SYT14: variants seen among roughly 807,000 people sequenced by gnomAD.
SYT14 encodes the protein synaptotagmin-14.
SYT14 carries 32 observed loss-of-function variants against 74.2 expected under a neutral mutation model. The observed-to-expected ratio is 0.43, with a 90% CI of 0.33 to 0.58. The LOEUF (loss-of-function observed/expected upper bound fraction) is 0.58, where lower values mean the gene tolerates loss of function less well. Ranked by LOEUF, SYT14 falls within the 20% of genes least tolerant of loss-of-function variation. The pLI is 0.05. For missense variants in SYT14, 791 were observed against 981.8 expected (o/e 0.81, Z 2.60); for synonymous variants, 298 against 337.7 (o/e 0.88, Z 1.29).
intron 2 of SYT14, among the ~76,000 whole-genome samples, chr1:210,011,353 C>G (rs1026102887): frequency 7.2e-5 from 11 of 152,108 alleles, no homozygotes; most frequent in African/African-American, 1.9e-4. Context: ...TTATTAAAAT[C>G]ATTTTCTTCC....
chr1:210,115,031 A>C (rs2082331911), intron 7 of SYT14, among the ~76,000 whole-genome samples: 1 of 151,154 alleles, frequency 6.6e-6, no homozygotes, highest in Admixed American at 6.6e-5. Context: ...GGAGGGACTG[A>C]TGTGTAAAAG....
chr1:210,010,829 C>T (rs2080073684), intron 2 of SYT14, among the ~76,000 whole-genome samples: 1 of 152,180 alleles, frequency 6.6e-6, no homozygotes, highest in African/African-American at 2.4e-5. Context: ...AATCCTGATT[C>T]TTCCACTTAC....
At chr1:210,067,081 C>T (rs1165050116) in intron 5 of SYT14, among the ~76,000 whole-genome samples, 2 of 151,986 alleles carry the variant, frequency 1.3e-5, no homozygotes, top group Non-Finnish European at 2.9e-5. Context: ...CATTGAATGG[C>T]CTTGGCACCC....
At chr1:210,101,716 A>G (rs1172917822) in intron 7 of SYT14, among the ~76,000 whole-genome samples, 1 of 152,090 alleles carries the variant, frequency 6.6e-6, no homozygotes, top group Non-Finnish European at 1.5e-5. Context: ...AATTTTTCAT[A>G]AAATTTAATA....
chr1:210,047,559 G>A (rs1030937644), intron 5 of SYT14, among the ~76,000 whole-genome samples: 4 of 151,928 alleles, frequency 2.6e-5, no homozygotes, highest in East Asian at 1.9e-4. Flanking sequence ...CACCACACCC[G>A]GCTGATTTTT....
At chr1:209,942,974 G>C (rs1348670145) in intron 1 of SYT14, among the ~76,000 whole-genome samples, 1 of 152,014 alleles carries the variant, frequency 6.6e-6, no homozygotes, top group Non-Finnish European at 1.5e-5. Context: ...CTTATAGTTT[G>C]CTACATACAT....
intron 5 of SYT14, among the ~76,000 whole-genome samples, chr1:210,053,797 A>G (rs2081046206): frequency 6.6e-6 from 1 of 152,130 alleles, no homozygotes; most frequent in Admixed American, 6.5e-5. Context: ...TTTTCTATTA[A>G]TTTATGTATG....
intron 2 of SYT14, among the ~76,000 whole-genome samples, chr1:209,997,860 G>T (rs149508297): frequency 6.6e-6 from 1 of 152,170 alleles, no homozygotes; most frequent in African/African-American, 2.4e-5. Flanking sequence ...TCTGAAGTTG[G>T]ATATTTTTTC....
Position 209,953,187 on chromosome 1 carries a change from C to G in SYT14, c.-486+431C>G, listed in dbSNP as rs1003401536. On this transcript the variant is annotated intron_variant, in intron 2 of 9. Transcript: ENST00000637265. Reference sequence around the variant, plus strand: ...CAAAGACCACAACATCCTTTGACACCAACAACTGTCTATGCTTCCTTAGAA... The same window carrying G: ...CAAAGACCACAACATCCTTTGACACGAACAACTGTCTATGCTTCCTTAGAA... 7 of 1,287,676 alleles carry G rather than the reference C, an allele frequency of 5.4e-6. No individual in the cohort carries two copies. In the African/African-American group the frequency reaches 1.1e-4, roughly 20 times the overall value. 79.8% of individuals were successfully genotyped at this position (1,287,676 alleles called of 1,614,324 possible).
chr1:210,104,773 T>C (rs554324886), intron 7 of SYT14, among the ~76,000 whole-genome samples: 22 of 152,352 alleles, frequency 1.4e-4, no homozygotes, highest in Admixed American at 7.2e-4. Flanking sequence ...CACACAACCC[T>C]TCCTGTACAA....
chr1:209,951,840 G>A (rs2078917011), intron 1 of SYT14, among the ~76,000 whole-genome samples: 1 of 152,138 alleles, frequency 6.6e-6, no homozygotes, highest in African/African-American at 2.4e-5. Context: ...TAATAAAATA[G>A]TTTGATCTTA....
intron 7 of SYT14, among the ~76,000 whole-genome samples, chr1:210,155,073 G>A (rs536477641): frequency 2.2e-4 from 34 of 152,174 alleles, no homozygotes; most frequent in Non-Finnish European, 4.1e-4. Context: ...TCTGTATTTT[G>A]AGTCCATGTT....
chr1:210,106,374 A>C (rs990103189), intron 7 of SYT14, among the ~76,000 whole-genome samples: 3 of 152,170 alleles, frequency 2.0e-5, no homozygotes, highest in African/African-American at 7.2e-5. Flanking sequence ...CCCATCAGTC[A>C]GTCATTGCAT....
chr1:210,063,902 G>A (rs1017448194), intron 5 of SYT14, among the ~76,000 whole-genome samples: 27 of 151,726 alleles, frequency 1.8e-4, no homozygotes, highest in African/African-American at 6.3e-4. Flanking sequence ...ATCAACTTGA[G>A]ATATAACAGC....
intron 7 of SYT14, among the ~76,000 whole-genome samples, chr1:210,106,360 T>C (rs2082157213): frequency 6.6e-6 from 1 of 152,184 alleles, no homozygotes; most frequent in Non-Finnish European, 1.5e-5. Context: ...CAGGCCTTTA[T>C]ACTCCCATCA....
chr1:210,032,236 A>G (rs1174339210), intron 5 of SYT14, among the ~76,000 whole-genome samples: 1 of 152,142 alleles, frequency 6.6e-6, no homozygotes, highest in Non-Finnish European at 1.5e-5. Context: ...AATGGTATCA[A>G]TGCAGTTGAA....
chr1:210,085,790 A>C (rs2081716462), intron 5 of SYT14, among the ~76,000 whole-genome samples: 1 of 152,120 alleles, frequency 6.6e-6, no homozygotes, highest in Non-Finnish European at 1.5e-5. Flanking sequence ...GATTTGCTAA[A>C]ATTTTGTATA....
In SYT14 at chr1:209,938,345, G is replaced by A. The variant is rs1045196642; in HGVS notation, c.-534+68G>A. On this transcript the variant is annotated intron_variant, in intron 1 of 9. Coordinates refer to ENST00000637265, the Ensembl canonical transcript of SYT14. ...CAGCTGGCGGGGGGCTCGGAGGTGC[G>A]CCGGCAGGCCGAGGCGCTGACGGGG... 4.1e-6 allele frequency: 6 copies of A among 1,478,980 alleles called. No homozygotes were observed. The Middle Eastern group carries it at 5.5e-4, about 135-fold the overall frequency. 91.6% of individuals were successfully genotyped at this position (1,478,980 alleles called of 1,614,324 possible). A position where few individuals can be genotyped will look rare whatever the true frequency, so the allele number is the denominator to read the frequency against.
At chr1:210,056,659 CAAAAAA>C (rs1196789715) in intron 5 of SYT14, among the ~76,000 whole-genome samples, 1 of 79,394 alleles carries the variant, frequency 1.3e-5, no homozygotes, top group African/African-American at 5.3e-5. Context: ...ACTAAAAATA[CAAAAAA>C]AAAAAAAAAA....
Sources: allele counts gnomAD v4.1 joint callset (sites outside exome capture counted in the v4.1 genomes callset), GRCh38; gene constraint gnomAD v4.1.1; transcripts MANE v1.5; gene names NCBI Gene and HGNC (gene_info 2026-07-23, HGNC 2026-07-21).